Variants in POU2F1 observed in about 807,000 individuals in gnomAD.
POU2F1 encodes POU domain, class 2, transcription factor 1.
A neutral mutation model predicts 84.9 loss-of-function variants in POU2F1; 16 were observed. That is an observed-to-expected ratio of 0.19 (90% confidence interval 0.13 to 0.29). The LOEUF (loss-of-function observed/expected upper bound fraction) is 0.29. POU2F1 is among the 10% of genes least tolerant of loss of function. POU2F1 has a pLI of 1.00. For missense variants in POU2F1, 738 were observed against 942.6 expected (o/e 0.78, Z 2.84); for synonymous variants, 368 against 368.3 (o/e 1.00, Z 0.01).
At chr1:167,302,719 A>C (rs1343853271) in intron 1 of POU2F1, among the ~76,000 whole-genome samples, 1 of 152,240 alleles carries the variant, frequency 6.6e-6, no homozygotes, top group Non-Finnish European at 1.5e-5. Flanking sequence ...TAAAATTTAC[A>C]TAGTTTTCAT....
At chr1:167,285,138 A>G (rs556924386) in intron 1 of POU2F1, among the ~76,000 whole-genome samples, 7 of 152,340 alleles carry the variant, frequency 4.6e-5, no homozygotes, top group South Asian at 2.1e-4. Context: ...TATTAGGACA[A>G]TCAGCCTGAA....
chr1:167,371,375 ATTACCGTAAAATT>A (rs1659989778), intron 4 of POU2F1, among the ~76,000 whole-genome samples: 1 of 152,248 alleles, frequency 6.6e-6, no homozygotes, highest in African/African-American at 2.4e-5. Context: ...ACCAGTTTTA[ATTACCGTAAAATT>A]TTCTCTTCGT....
Position 167,419,398 on chromosome 1 carries a change from G to C in POU2F1, c.*3588G>C, listed in dbSNP as rs151211806. On this transcript the variant is annotated 3_prime_UTR_variant, in exon 16 of 16. Coordinates refer to ENST00000367866, the MANE Select transcript of POU2F1 (RefSeq NM_002697.4). ...TTTGGTTAGCACATACTAAGCCAAA[G>C]ACTATTCTAAATGCATTTATAGTGA... 1 of 152,190 alleles carries C rather than the reference G, an allele frequency of 6.6e-6. No homozygotes were observed. Among genetic ancestry groups the C allele is most frequent in the East Asian group, 1.9e-4 (1 of 5,192 alleles). 9.4% of individuals were successfully genotyped at this position (152,190 alleles called of 1,614,324 possible). A position where few individuals can be genotyped will look rare whatever the true frequency, so the allele number is the denominator to read the frequency against.
At chr1:167,228,640 G>T (rs1648820180) in intron 1 of POU2F1, among the ~76,000 whole-genome samples, 1 of 152,194 alleles carries the variant, frequency 6.6e-6, no homozygotes, top group South Asian at 2.1e-4. Flanking sequence ...ATTTAGGTCA[G>T]ATTATTAACC....
chr1:167,361,848 C>T (rs1659372700), intron 2 of POU2F1, among the ~76,000 whole-genome samples: 1 of 152,068 alleles, frequency 6.6e-6, no homozygotes, highest in African/African-American at 2.4e-5. Context: ...TTTAATTACT[C>T]ATTATTGATC....
chr1:167,399,262 G>T lies in POU2F1; in HGVS notation c.1346G>T (p.Trp449Leu). ...LNMEKEVIRV[W>L]FCNRRQKEKR... ...ATGGAAAAAGAGGTGATTCGTGTTTGGTTCTGTAACCGCCGCCAGAAAGAA... is the reference window on the plus strand; with the variant it reads ...ATGGAAAAAGAGGTGATTCGTGTTTTGTTCTGTAACCGCCGCCAGAAAGAA... Residue 449 changes from tryptophan (W) to leucine (L), a missense_variant, in exon 12 of 16, where the codon TGG becomes TTG. Physicochemically the swap from Trp to Leu is moderately conservative, Grantham distance 61 (BLOSUM62 -2). Coordinates refer to ENST00000367866, the MANE Select transcript of POU2F1 (RefSeq NM_002697.4). 1 of 1,613,946 alleles carries T rather than the reference G, an allele frequency of 6.2e-7. No homozygotes were observed. Among genetic ancestry groups the T allele is most frequent in the East Asian group, 2.2e-5 (1 of 44,886 alleles).
chr1:167,277,180 C>G (rs1013762548), intron 1 of POU2F1, among the ~76,000 whole-genome samples: 3 of 151,806 alleles, frequency 2.0e-5, no homozygotes, highest in Non-Finnish European at 1.5e-5. Flanking sequence ...TTTCTCGGTT[C>G]TCTTCTCATG....
intron 1 of POU2F1, among the ~76,000 whole-genome samples, chr1:167,251,931 G>C (rs1465168471): frequency 6.7e-6 from 1 of 150,090 alleles, no homozygotes; most frequent in African/African-American, 2.5e-5. Flanking sequence ...TGCAACCTCT[G>C]CCTCCCAGGT....
At chr1:167,283,048 T>G (rs1007177713) in intron 1 of POU2F1, among the ~76,000 whole-genome samples, 1 of 152,240 alleles carries the variant, frequency 6.6e-6, no homozygotes, top group African/African-American at 2.4e-5. Flanking sequence ...AACATTAACC[T>G]ATTACTATCT....
intron 2 of POU2F1, among the ~76,000 whole-genome samples, chr1:167,363,056 C>G (rs77500376): frequency 0.045 from 6,774 of 152,142 alleles, 192 homozygotes; most frequent in African/African-American, 0.082. Flanking sequence ...CTCCTCCCCC[C>G]CAAGGCAGAA....
intron 3 of POU2F1, among the ~76,000 whole-genome samples, chr1:167,368,250 A>G (rs949182396): frequency 7.9e-5 from 12 of 151,882 alleles, no homozygotes; most frequent in African/African-American, 2.7e-4. Flanking sequence ...TAGAATGCCC[A>G]TTTAACTTGA....
intron 2 of POU2F1, among the ~76,000 whole-genome samples, chr1:167,355,781 C>T (rs1187446137): frequency 6.6e-6 from 1 of 152,026 alleles, no homozygotes; most frequent in Non-Finnish European, 1.5e-5. Context: ...AAGTGCGAGC[C>T]TCCATGCCCA....
chr1:167,272,725 G>A (rs1249235228), intron 1 of POU2F1, among the ~76,000 whole-genome samples: 1 of 152,110 alleles, frequency 6.6e-6, no homozygotes, highest in Non-Finnish European at 1.5e-5. Flanking sequence ...CTCCTTCCAG[G>A]CCCCTCATCC....
intron 1 of POU2F1, among the ~76,000 whole-genome samples, chr1:167,253,131 G>C (rs6703025): frequency 6.6e-6 from 1 of 152,178 alleles, no homozygotes; most frequent in Non-Finnish European, 1.5e-5. Context: ...GTGAAACTTG[G>C]ATAAACCTAA....
At position 167,267,220 on chromosome 1, in the gene POU2F1, A is replaced by G. The variant is rs532327122; in HGVS notation, c.61+46262A>G. 2.0e-5 allele frequency among the ~76,000 whole-genome samples: 3 copies of G among 152,066 alleles called. No homozygotes were observed. The South Asian group carries it at 6.2e-4, about 32-fold the overall frequency. Reference sequence around the variant, plus strand: ...AATGGGGTGGGGGGAAGGAAGCTGTAAAAAGGAAAAAAAAAACCCACAAAA... The same window carrying G: ...AATGGGGTGGGGGGAAGGAAGCTGTGAAAAGGAAAAAAAAAACCCACAAAA... On this transcript the variant is annotated intron_variant, in intron 1 of 15. Coordinates refer to ENST00000367866, the MANE Select transcript of POU2F1 (RefSeq NM_002697.4).
rs551990013 is a variant in POU2F1, at chr1:167,351,326, A to C, written c.128-14141A>C. 3.3e-5 allele frequency among the ~76,000 whole-genome samples: 5 copies of C among 151,966 alleles called. 1 individual carries two copies. The highest frequency in any genetic ancestry group is 1.2e-4 in the African/African-American group (5 of 41,440). On this transcript the variant is annotated intron_variant, in intron 2 of 15. Coordinates refer to ENST00000367866, the MANE Select transcript of POU2F1 (RefSeq NM_002697.4). ...CTGAAACTGTGCCACTTGCATTCCA[A>C]CTTGGGCAACAAGAGCGAAACTCTG...
At chr1:167,358,736 T>TA (rs1659148144) in intron 2 of POU2F1, among the ~76,000 whole-genome samples, 1 of 135,572 alleles carries the variant, frequency 7.4e-6, no homozygotes, top group Admixed American at 7.9e-5. Flanking sequence ...TTTTTTTTTT[T>TA]TGAGACAGGT....
chr1:167,265,871 A>G (rs1482061978), intron 1 of POU2F1, among the ~76,000 whole-genome samples: 1 of 152,230 alleles, frequency 6.6e-6, no homozygotes, highest in East Asian at 1.9e-4. Flanking sequence ...TGTCAGTAGT[A>G]CTTAGGTTGA....
intron 1 of POU2F1, among the ~76,000 whole-genome samples, chr1:167,304,899 A>G (rs570623370): frequency 1.5e-4 from 23 of 152,332 alleles, no homozygotes; most frequent in African/African-American, 5.3e-4. Context: ...TTAATGAAAA[A>G]AAATGATGTT....
Sources: allele counts gnomAD v4.1 joint callset (sites outside exome capture counted in the v4.1 genomes callset), GRCh38; gene constraint gnomAD v4.1.1; transcripts MANE v1.5; gene names NCBI Gene and HGNC (gene_info 2026-07-23, HGNC 2026-07-21).